ADGRE3: variants seen among roughly 807,000 people sequenced by gnomAD.
The protein encoded by ADGRE3 is EGF-like module receptor 3.
ADGRE3 carries 88 observed loss-of-function variants against 80.1 expected under a neutral mutation model. The ratio of observed to expected loss-of-function variants is 1.10; its 90% CI spans 0.93 to 1.31. The LOEUF (loss-of-function observed/expected upper bound fraction) is 1.31, where lower values mean the gene tolerates loss of function less well. Ranked by LOEUF, ADGRE3 falls within the 40% of genes most tolerant of loss-of-function variation. ADGRE3 has a pLI of 0.00. For missense variants in ADGRE3, 715 were observed against 776.5 expected (o/e 0.92, Z 0.94); for synonymous variants, 281 against 294.8 (o/e 0.95, Z 0.48).
Position 14,660,625 on chromosome 19 carries a change from T to TAA in ADGRE3, c.355+1336_355+1337dup, listed in dbSNP as rs34250356. On this transcript the variant is annotated intron_variant, in intron 4 of 15. Transcript: ENST00000253673. ...GGTGACAGAGTGAGACCCCATCTCT[T>TAA]AAAAAAAAAAAAAGTTTCTCTCTTA... is the stretch of plus-strand genomic sequence containing the variant. 2.7e-3 allele frequency among the ~76,000 whole-genome samples: 393 copies of TAA among 145,394 alleles called. 1 individual carries two copies. The highest frequency in any genetic ancestry group is 8.7e-3 in the African/African-American group (344 of 39,594).
intron 7 of ADGRE3, among the ~76,000 whole-genome samples, chr19:14,650,374 C>T (rs1971556389): frequency 6.7e-6 from 1 of 149,616 alleles, no homozygotes; most frequent in Admixed American, 6.7e-5. Context: ...TTCTCTCTTT[C>T]CATCTCTCTC....
intron 4 of ADGRE3, 59 bp downstream of exon 4, chr19:14,661,904 C>CA (rs1568497895): frequency 1.9e-6 from 3 of 1,570,318 alleles, no homozygotes; most frequent in Non-Finnish European, 8.7e-7. Context: ...CAAAACAAAA[C>CA]AAACAAACAA....
chr19:14,617,555 G>A (rs868844584), downstream of ADGRE3, among the ~76,000 whole-genome samples: 5 of 151,182 alleles, frequency 3.3e-5, no homozygotes, highest in African/African-American at 7.3e-5. Context: ...CTGCCACCAC[G>A]CCTGGCTAAT....
At chr19:14,607,559 T>C in the ADGRE3 span, among the ~76,000 whole-genome samples, 1 of 141,298 alleles carries the variant, frequency 7.1e-6, no homozygotes, top group Non-Finnish European at 1.5e-5. Flanking sequence ...TATTATTTAT[T>C]TATTTATTTA....
intron 7 of ADGRE3, among the ~76,000 whole-genome samples, chr19:14,650,084 C>G: frequency 6.6e-6 from 1 of 150,924 alleles, no homozygotes; most frequent in East Asian, 2.0e-4. Flanking sequence ...TGATCTCTCT[C>G]TCCCCATCTC....
chr19:14,600,891 C>CTTTTT, the ADGRE3 span, among the ~76,000 whole-genome samples: 6 of 63,216 alleles, frequency 9.5e-5, no homozygotes, highest in Admixed American at 4.3e-4. Context: ...GCTCGGCCTT[C>CTTTTT]TTTTTTTTTT....
chr19:14,606,522 A>G, the ADGRE3 span, among the ~76,000 whole-genome samples: 1 of 152,098 alleles, frequency 6.6e-6, no homozygotes, highest in Non-Finnish European at 1.5e-5. Flanking sequence ...CTACTAAAAA[A>G]TACAAAAATT....
At chr19:14,644,069 G>A (rs1341325783) in intron 9 of ADGRE3, 39 bp downstream of exon 9, 2 of 1,281,968 alleles carry the variant, frequency 1.6e-6, no homozygotes, top group Non-Finnish European at 2.0e-6. Context: ...TAGGGGCTCA[G>A]AAAGTATTTG....
Position 14,636,081 on chromosome 19 carries a change from C to CTTTCTTTCTTTCTTTTTCTTTCTTTCTTT in ADGRE3, c.1484+2023_1484+2024insAAAGAAAGAAAGAAAAAGAAAGAAAGAAA, listed in dbSNP as rs1555755785. Among the ~76,000 whole-genome samples, 12 of 24,604 alleles carry CTTTCTTTCTTTCTTTTTCTTTCTTTCTTT rather than the reference C, an allele frequency of 4.9e-4. 1 individual carries two copies. The highest frequency in any genetic ancestry group is 2.9e-3 in the East Asian group (2 of 680). The allele number at this position is 24,604 out of a possible 152,430, so 16.1% of individuals were successfully genotyped here. A position where few individuals can be genotyped will look rare whatever the true frequency, so the allele number is the denominator to read the frequency against. Reference sequence around the variant, plus strand: ...CCTTCCTTTCCTTTCCTTTCCTTTCCCTTTCTTTCTTTCTTTCTTTCTTTC... The same window carrying CTTTCTTTCTTTCTTTTTCTTTCTTTCTTT: ...CCTTCCTTTCCTTTCCTTTCCTTTCCTTTCTTTCTTTCTTTTTCTTTCTTTCTTTCTTTCTTTCTTTCTTTCTTTCTTTC... On this transcript the variant is annotated intron_variant, in intron 11 of 15. Transcript: ENST00000253673.
chr19:14,628,938 T>G (rs1029487248), intron 14 of ADGRE3: 1 of 157,362 alleles, frequency 6.4e-6, no homozygotes, highest in African/African-American at 2.4e-5. Context: ...CTCTTTTTTT[T>G]TTGAGACGGA....
intron 2 of ADGRE3, 64 bp from the exon 3 acceptor site, chr19:14,663,604 C>G (rs1972015688): frequency 5.2e-6 from 8 of 1,541,130 alleles, no homozygotes; most frequent in African/African-American, 1.4e-5. Flanking sequence ...TATAATTAGG[C>G]CCTGCCTCTT....
At chr19:14,625,929 G>C (rs973231890) in intron 14 of ADGRE3, among the ~76,000 whole-genome samples, 1 of 152,114 alleles carries the variant, frequency 6.6e-6, no homozygotes, top group African/African-American at 2.4e-5. Flanking sequence ...CCAGGGCCTG[G>C]GGGGAAGGAG....
At chr19:14,644,298 G>A (rs968157409) in intron 8 of ADGRE3, 23 bp from the exon 9 acceptor site, 2 of 1,447,760 alleles carry the variant, frequency 1.4e-6, no homozygotes, top group Non-Finnish European at 1.8e-6. Flanking sequence ...AATAGAAAGG[G>A]CTCATTGTCT....
At chr19:14,629,160 G>A (rs1422278232) in intron 14 of ADGRE3, among the ~76,000 whole-genome samples, 2 of 152,182 alleles carry the variant, frequency 1.3e-5, no homozygotes, top group Admixed American at 6.5e-5. Context: ...CTGAGCACAA[G>A]TGATCCCCCT....
At chr19:14,607,177 G>T in the ADGRE3 span, 1 of 586,646 alleles carries the variant, frequency 1.7e-6, no homozygotes, top group Non-Finnish European at 2.5e-6. Flanking sequence ...GAAGGTGATG[G>T]AGTACATGGT....
chr19:14,611,956 A>C, the ADGRE3 span, among the ~76,000 whole-genome samples: 3 of 152,186 alleles, frequency 2.0e-5, no homozygotes, highest in African/African-American at 7.2e-5. Context: ...GTGAGCCGAG[A>C]TTGTGCCACT....
rs1466157762 is a variant in ADGRE3, at chr19:14,636,189, T to TCC, written c.1484+1915_1484+1916insGG. Reference sequence around the variant, plus strand: ...TTCCTTTCCTTTCCTTCCTCTTTCTTTCTTTCTTTCTTTCTTTTCTTTTCT... The same window carrying TCC: ...TTCCTTTCCTTTCCTTCCTCTTTCTTCCTCTTTCTTTCTTTCTTTTCTTTTCT... On this transcript the variant is annotated intron_variant, in intron 11 of 15. Transcript: ENST00000253673. Among the ~76,000 whole-genome samples, 915 of 100,974 alleles carry TCC rather than the reference T, an allele frequency of 9.1e-3. 289 individuals are homozygous for TCC. Among genetic ancestry groups the TCC allele is most frequent in the Middle Eastern group, 0.062 (13 of 210 alleles). 66.2% of individuals were successfully genotyped at this position (100,974 alleles called of 152,430 possible).
At chr19:14,645,693 C>T (rs1179196232) in intron 8 of ADGRE3, among the ~76,000 whole-genome samples, 5 of 151,710 alleles carry the variant, frequency 3.3e-5, no homozygotes, top group African/African-American at 9.7e-5. Context: ...AAAAACAGGT[C>T]GGATGAAGTC....
chr19:14,603,741 C>T, the ADGRE3 span, among the ~76,000 whole-genome samples: 2 of 152,230 alleles, frequency 1.3e-5, no homozygotes, highest in South Asian at 2.1e-4. Context: ...GCCGGGATTA[C>T]AGGAGTGAGC....
Sources: allele counts gnomAD v4.1 joint callset (sites outside exome capture counted in the v4.1 genomes callset), GRCh38; gene constraint gnomAD v4.1.1; transcripts MANE v1.5; gene names NCBI Gene and HGNC (gene_info 2026-07-23, HGNC 2026-07-21).